RBM24: variants seen among roughly 807,000 people sequenced by gnomAD.
RBM24 encodes RNA binding motif protein 24, also known as RNA-binding protein 24.
Under a neutral mutation model 23.6 loss-of-function variants are expected in RBM24, and 5 were observed. The ratio of observed to expected loss-of-function variants is 0.21; its 90% CI spans 0.11 to 0.45. The LOEUF (loss-of-function observed/expected upper bound fraction) is 0.45. RBM24 is among the 20% of genes least tolerant of loss of function. The pLI is 0.99. For synonymous variants in RBM24, 151 were observed against 129.5 expected, an observed-to-expected ratio of 1.17 and a Z score of -1.13; for missense variants, 252 against 314.6, an observed-to-expected ratio of 0.80 and a Z score of 1.51.
rs1038975834 is a variant in RBM24, at chr6:17,288,723, T to A, written c.348-3033T>A. 5.1e-6 allele frequency: 5 copies of A among 973,936 alleles called. No homozygotes were observed. The African/African-American group carries it at 7.0e-5, about 14-fold the overall frequency. 60.3% of individuals were successfully genotyped at this position (973,936 alleles called of 1,614,324 possible). On this transcript the variant is annotated intron_variant, in intron 3 of 3. Transcript: ENST00000379052. The stretch of plus-strand genomic sequence containing the variant: ...TGAATAAAGGGCAAGAATCTGGGAA[T>A]GTGAAGCTTGTCCAGGAAACATAAA...
intron 2 of RBM24, 136 bp from the exon 3 acceptor site, chr6:17,284,521 A>G: frequency 1.8e-6 from 1 of 547,600 alleles, no homozygotes; most frequent in Non-Finnish European, 3.2e-6. Flanking sequence ...TAAAAAATAT[A>G]CATACATATA....
chr6:17,281,546 C>A lies in RBM24; in HGVS notation c.-36C>A, dbSNP rs1275736308. ...GCGCAGCCGCTGCCCGAGCCGCAGC[C>A]GCAGCCGGAGCCCGAGCCGCGGGGC... On this transcript the variant is annotated 5_prime_UTR_variant, in exon 1 of 4. Transcript: ENST00000379052. The surrounding 1 kb of genome is among the most constrained non-coding windows in gnomAD (Gnocchi z 7.1). The A allele has an allele frequency of 6.8e-7, 1 of 1,469,792 alleles. No individual in the cohort carries two copies. The highest frequency in any genetic ancestry group is 3.0e-5 in the East Asian group (1 of 33,710). The allele number at this position is 1,469,792 out of a possible 1,614,324, so 91.0% of individuals were successfully genotyped here.
chr6:17,282,245 A>G lies in RBM24; in HGVS notation c.168+496A>G, dbSNP rs191426527. 1,078 of 1,290,846 alleles carry G rather than the reference A, an allele frequency of 8.4e-4. 2 individuals carry two copies. The highest frequency in any genetic ancestry group is 4.9e-3 in the Middle Eastern group (23 of 4,698). 80.0% of individuals were successfully genotyped at this position (1,290,846 alleles called of 1,614,324 possible). ...GTAGGTTCTTTTAAATCATGATCCTAGGGCTCTTTGCCGAACTGAAACAGA... is the reference window on the plus strand; with the variant it reads ...GTAGGTTCTTTTAAATCATGATCCTGGGGCTCTTTGCCGAACTGAAACAGA... On this transcript the variant is annotated intron_variant, in intron 1 of 3. Transcript: ENST00000379052.
chr6:17,281,499 AGACGCGGAGCCG>A lies in RBM24; in HGVS notation c.-80_-69del. 7.7e-7 allele frequency: 1 copy of A among 1,304,004 alleles called. No homozygotes were observed. Among genetic ancestry groups the A allele is most frequent in the Non-Finnish European group, 9.9e-7 (1 of 1,008,812 alleles). The allele number at this position is 1,304,004 out of a possible 1,614,324, so 80.8% of individuals were successfully genotyped here. A position where few individuals can be genotyped will look rare whatever the true frequency, so the allele number is the denominator to read the frequency against. ...CCCGGCGGCCGCGAAAGGGTGCGGG[AGACGCGGAGCCG>A]GAGGAGGAGGCGCAGCCGCTGCCCG... On this transcript the variant is annotated 5_prime_UTR_variant, in exon 1 of 4. Transcript: ENST00000379052. This position sits in a 1 kb window ranked among gnomAD's most constrained non-coding sequence, Gnocchi z 7.1.
At position 17,281,988 on chromosome 6, in the gene RBM24, G is replaced by A. The variant is rs1162216045; in HGVS notation, c.168+239G>A. 3 of 1,365,608 alleles carry A rather than the reference G, an allele frequency of 2.2e-6. No individual in the cohort carries two copies. The highest frequency in any genetic ancestry group is 2.9e-5 in the African/African-American group (2 of 67,962). 84.6% of individuals were successfully genotyped at this position (1,365,608 alleles called of 1,614,324 possible). On this transcript the variant is annotated intron_variant, in intron 1 of 3. Coordinates refer to ENST00000379052, the MANE Select transcript of RBM24 (RefSeq NM_001143942.2). This position sits in a 1 kb window ranked among gnomAD's most constrained non-coding sequence, Gnocchi z 7.1. ...GTCGGGGGCCGGGCAGGGCAGAGCA[G>A]GGGTGAAAGGAGAGACCTGTAATGA... is the stretch of plus-strand genomic sequence containing the variant.
chr6:17,285,304 A>G (rs984292922), intron 3 of RBM24: 3 of 152,230 alleles, frequency 2.0e-5, no homozygotes, highest in African/African-American at 7.2e-5. Flanking sequence ...ACTTAATTGA[A>G]AAGAGCTGTA....
In RBM24 at chr6:17,281,791, G is replaced by A; in HGVS notation, c.168+42G>A. 1 of 1,541,612 alleles carries A rather than the reference G, an allele frequency of 6.5e-7. No individual in the cohort carries two copies. The highest frequency in any genetic ancestry group is 1.7e-4 in the Middle Eastern group (1 of 5,822). On this transcript the variant is annotated intron_variant, in intron 1 of 3. Transcript: ENST00000379052. The surrounding 1 kb of genome is among the most constrained non-coding windows in gnomAD (Gnocchi z 7.1). ...GGGGGTGACGGGGAGGGACGGAGTG[G>A]CGGCTGACCCCGGGGATCGGGAGCT... is the stretch of plus-strand genomic sequence containing the variant.
In RBM24 at chr6:17,291,604, G is replaced by A. The variant is rs1169178727; in HGVS notation, c.348-152G>A. ...GGGGCACTCTATGACTTTGGCTACT[G>A]CCTGAGTATTCTCAATGGACCACTA... On this transcript the variant is annotated intron_variant, in intron 3 of 3. Coordinates refer to ENST00000379052, the MANE Select transcript of RBM24 (RefSeq NM_001143942.2). The A allele has an allele frequency of 7.5e-6, 6 of 804,954 alleles. No homozygotes were observed. In the Admixed American group the frequency reaches 1.0e-4, roughly 13 times the overall value. 49.9% of individuals were successfully genotyped at this position (804,954 alleles called of 1,614,324 possible). A position where few individuals can be genotyped will look rare whatever the true frequency, so the allele number is the denominator to read the frequency against.
intron 2 of RBM24, among the ~76,000 whole-genome samples, chr6:17,284,384 A>T (rs990709959): frequency 6.6e-6 from 1 of 152,150 alleles, no homozygotes; most frequent in Non-Finnish European, 1.5e-5. Flanking sequence ...ATTTTATTTC[A>T]TGAACATTTT....
chr6:17,288,226 C>T (rs1274792567), intron 3 of RBM24: 1 of 985,118 alleles, frequency 1.0e-6, no homozygotes, highest in African/African-American at 1.7e-5. Flanking sequence ...AGCTGTAGCC[C>T]CAAAAGACAA....
In RBM24 at chr6:17,293,760, T is replaced by C. The variant is rs1257477633; in HGVS notation, c.*1641T>C. 17 of 152,690 alleles carry C rather than the reference T, an allele frequency of 1.1e-4. No individual in the cohort carries two copies. Among genetic ancestry groups the C allele is most frequent in the Non-Finnish European group, 1.0e-4 (7 of 68,046 alleles). The allele number at this position is 152,690 out of a possible 1,614,324, so 9.5% of individuals were successfully genotyped here. On this transcript the variant is annotated 3_prime_UTR_variant, in exon 4 of 4. Coordinates refer to ENST00000379052, the MANE Select transcript of RBM24 (RefSeq NM_001143942.2). ...AGTATTCCCATACTAGACAGTGTTA[T>C]GTAATGTAGACATGACTCTCCTGTG... is the stretch of plus-strand genomic sequence containing the variant.
chr6:17,282,796 G>C lies in RBM24; in HGVS notation c.169-9G>C, dbSNP rs1480126800. ...TATGTATGTATGTCTGTGTGTGTCT[G>C]TTGCTAAGGTCACCATGGCTGACCG... On this transcript the variant is annotated splice_polypyrimidine_tract_variant and intron_variant, in intron 1 of 3. Transcript: ENST00000379052. 4.3e-6 allele frequency: 7 copies of C among 1,613,904 alleles called. No individual in the cohort carries two copies. The Admixed American group carries it at 1.2e-4, about 27-fold the overall frequency.
chr6:17,288,327 A>G lies in RBM24; in HGVS notation c.348-3429A>G, dbSNP rs1760256760. ...TCAGATAAGAGAGACGAACATCAGG[A>G]CAATGAGTGGGATTCAGAAGTCTTC... is the stretch of plus-strand genomic sequence containing the variant. On this transcript the variant is annotated intron_variant, in intron 3 of 3. Transcript: ENST00000379052. 7 of 985,358 alleles carry G rather than the reference A, an allele frequency of 7.1e-6. No homozygotes were observed. The Admixed American group carries it at 4.3e-4, about 61-fold the overall frequency. The allele number at this position is 985,358 out of a possible 1,614,324, so 61.0% of individuals were successfully genotyped here.
Position 17,291,986 on chromosome 6 carries a change from A to G in RBM24, c.578A>G (p.Tyr193Cys). The change falls in exon 4 of 4, where the codon TAT becomes TGT. Residue 193 changes from tyrosine (Y) to cysteine (C), a missense_variant. By Grantham distance (194) the Tyr-to-Cys change is radical. Transcript: ENST00000379052. ...GCAGGATATGTTACTGCTGGGGGCT[A>G]TGGCTACGCAGTCCAGCAGCCAATC... Reference protein sequence around the residue: ...AAAGYVTAGGYGYAVQQPITA... With the variant: ...AAAGYVTAGGCGYAVQQPITA... 2 of 1,609,186 alleles carry G rather than the reference A, an allele frequency of 1.2e-6. No individual in the cohort carries two copies. Among genetic ancestry groups the G allele is most frequent in the South Asian group, 2.2e-5 (2 of 91,016 alleles).
intron 1 of RBM24, chr6:17,282,360 G>A: frequency 1.3e-6 from 1 of 783,828 alleles, no homozygotes; most frequent in Non-Finnish European, 1.9e-6. Context: ...AGCTATTGTC[G>A]TTGGGGAGTG....
rs937501669 is a variant in RBM24 at position 17,292,359 on chromosome 6, A to G, written c.*240A>G. 1 of 315,926 alleles carries G rather than the reference A, an allele frequency of 3.2e-6. No individual in the cohort carries two copies. Among genetic ancestry groups the G allele is most frequent in the African/African-American group, 2.1e-5 (1 of 46,900 alleles). 19.6% of individuals were successfully genotyped at this position (315,926 alleles called of 1,614,324 possible). ...CAATCCCAAAGAGCCTGAGTAAATG[A>G]AAGGCCACTACGAAATGACGCCAGG... On this transcript the variant is annotated 3_prime_UTR_variant, in exon 4 of 4. Coordinates refer to ENST00000379052, the MANE Select transcript of RBM24 (RefSeq NM_001143942.2).
chr6:17,293,791 T>C lies in RBM24; in HGVS notation c.*1672T>C, dbSNP rs1760439609. 6.5e-6 allele frequency: 1 copy of C among 152,676 alleles called. No individual in the cohort carries two copies. The highest frequency in any genetic ancestry group is 1.5e-5 in the Non-Finnish European group (1 of 68,052). The allele number at this position is 152,676 out of a possible 1,614,324, so 9.5% of individuals were successfully genotyped here. On this transcript the variant is annotated 3_prime_UTR_variant, in exon 4 of 4. Transcript: ENST00000379052. ...GTAGACATGACTCTCCTGTGCAAAT[T>C]ATTTATTCGTTGTGTATATTGCTTT...
intron 3 of RBM24, chr6:17,289,353 A>G (rs1404479171): frequency 3.2e-5 from 32 of 985,254 alleles, no homozygotes; most frequent in Non-Finnish European, 3.6e-5. Flanking sequence ...AAGCCTTAAA[A>G]TGTTCTAGGT....
chr6:17,282,460 CG>C (rs1760053868), intron 1 of RBM24: 2 of 415,852 alleles, frequency 4.8e-6, no homozygotes, highest in Non-Finnish European at 9.2e-6. Context: ...ACCTGGGGGG[CG>C]GGGGATTCGG....
Sources: gnomAD v4.1 joint callset for allele counts (sites outside exome capture counted in the v4.1 genomes callset) on GRCh38, gnomAD v4.1.1 for gene constraint, Gnocchi (gnomAD v3.1) non-coding constraint, MANE v1.5 for transcripts, NCBI Gene and HGNC (gene_info 2026-07-23, HGNC 2026-07-21) for gene names.